Variants in NSMCE2 observed in about 807,000 individuals in gnomAD.
The protein encoded by NSMCE2 is NSE2 SUMO ligase component of SMC5/6 complex.
NSMCE2 carries 24 observed loss-of-function variants against 23.8 expected under a neutral mutation model. That is an observed-to-expected ratio of 1.01 (90% confidence interval 0.73 to 1.42). The LOEUF (loss-of-function observed/expected upper bound fraction) is 1.42. NSMCE2 is among the 40% of genes most tolerant of loss of function. The probability of loss-of-function intolerance (pLI) is 0.00; values close to 1 mark genes in which losing one functional copy is unlikely to be tolerated. For missense variants in NSMCE2, 284 were observed against 296.5 expected (o/e 0.96, Z 0.31); for synonymous variants, 92 against 94.1 (o/e 0.98, Z 0.13).
chr8:125,094,651 A>G (rs551640819), intron 1 of NSMCE2: 124 of 152,390 alleles, frequency 8.1e-4, no homozygotes, highest in African/African-American at 3.0e-3. Context: ...CCATAACAAA[A>G]TACCATAGAC....
At chr8:125,332,670 T>A (rs1381912003) in intron 5 of NSMCE2, among the ~76,000 whole-genome samples, 2 of 152,242 alleles carry the variant, frequency 1.3e-5, no homozygotes, top group Non-Finnish European at 2.9e-5. Context: ...TTAAACAGAA[T>A]GCTTTGTACA....
chr8:125,235,049 C>T (rs1825484562), intron 5 of NSMCE2, among the ~76,000 whole-genome samples: 1 of 151,890 alleles, frequency 6.6e-6, no homozygotes, highest in African/African-American at 2.4e-5. Context: ...AGTTCGAGAC[C>T]AGCCTGGCCA....
rs73336877 is a variant in NSMCE2, at chr8:125,344,107, T to C, written c.419-13112T>C. On this transcript the variant is annotated intron_variant, in intron 5 of 7. Coordinates refer to ENST00000287437, the MANE Select transcript of NSMCE2 (RefSeq NM_173685.4). Reference sequence around the variant, plus strand: ...TAGCCCCATCTTACCCAAATTGAAATGTTGCAGTTTTAAAGTTGAGCAATT... The same window carrying C: ...TAGCCCCATCTTACCCAAATTGAAACGTTGCAGTTTTAAAGTTGAGCAATT... Among the ~76,000 whole-genome samples the C allele has an allele frequency of 6.1e-3, 929 of 152,322 alleles. 8 individuals are homozygous for C. Among genetic ancestry groups the C allele is most frequent in the African/African-American group, 0.022 (901 of 41,582 alleles).
intron 5 of NSMCE2, among the ~76,000 whole-genome samples, chr8:125,190,758 A>G (rs1461507139): frequency 6.6e-6 from 1 of 152,220 alleles, no homozygotes; most frequent in Non-Finnish European, 1.5e-5. Context: ...CATGCTTTGT[A>G]TAATGCCTAG....
chr8:125,128,480 T>A (rs1357999227), intron 3 of NSMCE2, among the ~76,000 whole-genome samples: 1 of 152,168 alleles, frequency 6.6e-6, no homozygotes, highest in Non-Finnish European at 1.5e-5. Context: ...ATACTCAAAT[T>A]TCTGACATAC....
At chr8:125,153,933 G>A (rs1470722940) in intron 4 of NSMCE2, among the ~76,000 whole-genome samples, 1 of 152,014 alleles carries the variant, frequency 6.6e-6, no homozygotes, top group Admixed American at 6.6e-5. Context: ...GCTTTGACCT[G>A]TCCTATTCTG....
chr8:125,335,356 C>T (rs1489640860), intron 5 of NSMCE2, among the ~76,000 whole-genome samples: 1 of 152,182 alleles, frequency 6.6e-6, no homozygotes, highest in African/African-American at 2.4e-5. Flanking sequence ...CAGGTATTTT[C>T]ATCCAGACAG....
intron 5 of NSMCE2, among the ~76,000 whole-genome samples, chr8:125,219,583 G>A (rs1415686665): frequency 1.3e-5 from 2 of 152,142 alleles, no homozygotes; most frequent in African/African-American, 4.8e-5. Context: ...CTTGTGCAAC[G>A]ATATTAAATA....
intron 1 of NSMCE2, among the ~76,000 whole-genome samples, chr8:125,093,309 C>G (rs938356516): frequency 6.6e-6 from 1 of 152,140 alleles, no homozygotes; most frequent in Admixed American, 6.5e-5. Flanking sequence ...ATACCATCAC[C>G]TTGGAAGTTA....
In NSMCE2 at chr8:125,116,809, C is replaced by G. The variant is rs531900221; in HGVS notation, c.157+14322C>G. 4.9e-4 allele frequency among the ~76,000 whole-genome samples: 75 copies of G among 151,916 alleles called. 1 individual carries two copies. The highest frequency in any genetic ancestry group is 1.8e-3 in the African/African-American group (73 of 41,408). On this transcript the variant is annotated intron_variant, in intron 3 of 7. Transcript: ENST00000287437. ...TGAGCCACAGAACAAAGCATAGTGC[C>G]TAATTATCACTATATGGGCCAATGG...
chr8:125,113,064 G>GC (rs1298167002), intron 3 of NSMCE2, among the ~76,000 whole-genome samples: 1 of 141,486 alleles, frequency 7.1e-6, no homozygotes, highest in Non-Finnish European at 1.5e-5. Context: ...AAATGGGGGG[G>GC]GGGGTGAGTC....
At chr8:125,102,577 G>A (rs939977282) in intron 3 of NSMCE2, 90 bp downstream of exon 3, 1 of 1,022,626 alleles carries the variant, frequency 9.8e-7, no homozygotes, top group African/African-American at 1.6e-5. Flanking sequence ...GTATCCTTGG[G>A]GGAATGATTT....
At chr8:125,260,710 C>T (rs1024218381) in intron 5 of NSMCE2, among the ~76,000 whole-genome samples, 5 of 151,666 alleles carry the variant, frequency 3.3e-5, no homozygotes, top group Non-Finnish European at 7.4e-5. Context: ...CTGCAACCTC[C>T]ACCTCCCAGG....
chr8:125,288,840 G>A (rs1266991857), intron 5 of NSMCE2, among the ~76,000 whole-genome samples: 2 of 151,928 alleles, frequency 1.3e-5, no homozygotes, highest in Non-Finnish European at 1.5e-5. Flanking sequence ...TCTCGCCCTA[G>A]CTGGAGTGCA....
In NSMCE2 at chr8:125,148,910, A is replaced by T. The variant is rs55823859; in HGVS notation, c.158-2261A>T. ...ATTACAAAACATCCATTACATTAGG[A>T]TGTAAGTTGTTTAAAATTCACTTCT... On this transcript the variant is annotated intron_variant, in intron 3 of 7. Coordinates refer to ENST00000287437, the MANE Select transcript of NSMCE2 (RefSeq NM_173685.4). Among the ~76,000 whole-genome samples, 623 of 152,316 alleles carry T rather than the reference A, an allele frequency of 4.1e-3. 8 individuals carry two copies. Among genetic ancestry groups the T allele is most frequent in the African/African-American group, 0.014 (594 of 41,576 alleles).
Position 125,201,046 on chromosome 8 carries a change from G to A in NSMCE2, c.418+18790G>A, listed in dbSNP as rs779200619. 1.2e-3 allele frequency among the ~76,000 whole-genome samples: 186 copies of A among 152,138 alleles called. 5 individuals carry two copies. The highest frequency in any genetic ancestry group is 1.0e-3 in the Admixed American group (16 of 15,278). On this transcript the variant is annotated intron_variant, in intron 5 of 7. Coordinates refer to ENST00000287437, the MANE Select transcript of NSMCE2 (RefSeq NM_173685.4). ...ATTCATTTAAGGTCTTCTCTATACTGTTTATTCTAGTTAGTCATTCGTCTA... is the reference window on the plus strand; with the variant it reads ...ATTCATTTAAGGTCTTCTCTATACTATTTATTCTAGTTAGTCATTCGTCTA...
intron 7 of NSMCE2, chr8:125,363,246 T>G (rs1159691327): frequency 6.6e-6 from 1 of 152,258 alleles, no homozygotes; most frequent in Non-Finnish European, 1.5e-5. Context: ...CTCATGCCTG[T>G]AATCCCAGCA....
chr8:125,272,728 TACAC>T (rs71295830), intron 5 of NSMCE2, among the ~76,000 whole-genome samples: 1 of 142,980 alleles, frequency 7.0e-6, no homozygotes, highest in Non-Finnish European at 1.5e-5. Context: ...TATATATATA[TACAC>T]ACACACACAT....
At chr8:125,294,749 C>T (rs1828256867) in intron 5 of NSMCE2, among the ~76,000 whole-genome samples, 1 of 152,162 alleles carries the variant, frequency 6.6e-6, no homozygotes. Flanking sequence ...TAAGATTACA[C>T]ACTCATCTGG....
Sources: allele counts gnomAD v4.1 joint callset (sites outside exome capture counted in the v4.1 genomes callset), GRCh38; gene constraint gnomAD v4.1.1; transcripts MANE v1.5; gene names NCBI Gene and HGNC (gene_info 2026-07-23, HGNC 2026-07-21).